Variants in MKLN1 observed in about 807,000 individuals in gnomAD.
MKLN1 encodes muskelin 1.
Under a neutral mutation model 99.0 loss-of-function variants are expected in MKLN1, and 18 were observed. The observed-to-expected ratio is 0.18, with a 90% CI of 0.13 to 0.27. The LOEUF (loss-of-function observed/expected upper bound fraction) is 0.27. Ranked by LOEUF, MKLN1 falls within the 10% of genes least tolerant of loss-of-function variation. The pLI, the probability that MKLN1 is intolerant of heterozygous loss-of-function variation, is 1.00. For synonymous variants in MKLN1, 288 were observed against 293.2 expected (o/e 0.98, Z 0.18); for missense variants, 621 against 875.9 (o/e 0.71, Z 3.67).
intron 12 of MKLN1, among the ~76,000 whole-genome samples, chr7:131,458,637 T>C (rs1796419715): frequency 6.6e-6 from 1 of 152,168 alleles, no homozygotes; most frequent in Non-Finnish European, 1.5e-5. Flanking sequence ...CACCGTCTCT[T>C]ATATCTCATG....
At chr7:131,223,269 G>A (rs1304618723) in intron 3 of MKLN1, among the ~76,000 whole-genome samples, 1 of 152,164 alleles carries the variant, frequency 6.6e-6, no homozygotes, top group Non-Finnish European at 1.5e-5. Context: ...CTGTAGGACA[G>A]GTTTTCTGGT....
chr7:131,253,397 G>A (rs1400624759), intron 3 of MKLN1, among the ~76,000 whole-genome samples: 1 of 152,174 alleles, frequency 6.6e-6, no homozygotes, highest in East Asian at 1.9e-4. Flanking sequence ...TGGAGGCTAA[G>A]TCCTAGGCAA....
At chr7:131,120,908 G>A (rs542610116) in intron 1 of MKLN1, among the ~76,000 whole-genome samples, 2 of 152,154 alleles carry the variant, frequency 1.3e-5, no homozygotes, top group Non-Finnish European at 2.9e-5. Context: ...CCACATTTTT[G>A]TATATCTTTA....
intron 1 of MKLN1, among the ~76,000 whole-genome samples, chr7:131,358,757 T>C: frequency 6.6e-6 from 1 of 152,206 alleles, no homozygotes; most frequent in East Asian, 1.9e-4. Context: ...TTTGGTAGTT[T>C]GTATCTTTTA....
chr7:131,203,404 G>A (rs1351386495), intron 3 of MKLN1, among the ~76,000 whole-genome samples: 3 of 152,040 alleles, frequency 2.0e-5, no homozygotes, highest in Non-Finnish European at 4.4e-5. Context: ...TAAGGGAGGA[G>A]GAAAAAAAGA....
intron 2 of MKLN1, among the ~76,000 whole-genome samples, chr7:131,200,569 A>G (rs967380765): frequency 6.6e-6 from 1 of 152,254 alleles, no homozygotes; most frequent in African/African-American, 2.4e-5. Flanking sequence ...ACCAATTTAC[A>G]TTGAGAAAAT....
At chr7:131,143,660 T>C (rs1795773899) in intron 2 of MKLN1, among the ~76,000 whole-genome samples, 1 of 151,824 alleles carries the variant, frequency 6.6e-6, no homozygotes, top group Non-Finnish European at 1.5e-5. Context: ...ACCCCATCTC[T>C]ACAAAAATTT....
chr7:131,365,159 G>A (rs1244166499), intron 1 of MKLN1, among the ~76,000 whole-genome samples: 1 of 152,180 alleles, frequency 6.6e-6, no homozygotes, highest in Non-Finnish European at 1.5e-5. Flanking sequence ...TCTGACTGGT[G>A]TGAGATGGTA....
chr7:131,192,116 T>G (rs1364093671), intron 2 of MKLN1, among the ~76,000 whole-genome samples: 2 of 87,958 alleles, frequency 2.3e-5, no homozygotes, highest in Non-Finnish European at 4.3e-5. Context: ...ATATTATATA[T>G]ATACGTATAT....
At chr7:131,142,112 A>C (rs1455097706) in intron 1 of MKLN1, among the ~76,000 whole-genome samples, 2 of 151,978 alleles carry the variant, frequency 1.3e-5, no homozygotes, top group African/African-American at 4.8e-5. Context: ...CTCTCTCTAC[A>C]AAAACAAAAA....
At chr7:131,448,261 G>A (rs1211095646) in intron 12 of MKLN1, among the ~76,000 whole-genome samples, 1 of 152,078 alleles carries the variant, frequency 6.6e-6, no homozygotes, top group Non-Finnish European at 1.5e-5. Context: ...GCGTGATAGT[G>A]ACAGAGAACT....
intron 2 of MKLN1, among the ~76,000 whole-genome samples, chr7:131,376,130 A>G (rs1039297214): frequency 2.7e-3 from 1 of 376 alleles, no homozygotes; most frequent in African/African-American, 6.3e-3. Context: ...ATATATATAT[A>G]TATATGTATG....
At chr7:131,345,899 C>G (rs1799545775) in intron 1 of MKLN1, among the ~76,000 whole-genome samples, 2 of 151,794 alleles carry the variant, frequency 1.3e-5, no homozygotes, top group South Asian at 4.2e-4. Flanking sequence ...TTGTTTTGGT[C>G]AATAATATAC....
intron 2 of MKLN1, among the ~76,000 whole-genome samples, chr7:131,381,831 A>G (rs1584676826): frequency 6.6e-6 from 1 of 152,114 alleles, no homozygotes; most frequent in Non-Finnish European, 1.5e-5. Context: ...GTGCCCATTC[A>G]TATCTTTATA....
At chr7:131,268,635 T>C (rs10236300) in intron 3 of MKLN1, among the ~76,000 whole-genome samples, 19,125 of 152,164 alleles carry the variant, frequency 0.13, 1,393 homozygotes, top group South Asian at 0.32. Context: ...GGAGGACTGT[T>C]ATGGGCCAGA....
chr7:131,304,962 G>A (rs969742819), intron 3 of MKLN1, among the ~76,000 whole-genome samples: 47 of 152,108 alleles, frequency 3.1e-4, no homozygotes. Context: ...AGCTAGGCAG[G>A]CCCCCTTTTT....
In MKLN1 at chr7:131,487,780, T is replaced by C; in HGVS notation, c.*52T>C. The C allele has an allele frequency of 6.3e-7, 1 of 1,592,934 alleles. No individual in the cohort carries two copies. Among genetic ancestry groups the C allele is most frequent in the East Asian group, 2.2e-5 (1 of 44,630 alleles). On this transcript the variant is annotated 3_prime_UTR_variant, in exon 18 of 18. Coordinates refer to ENST00000352689, the MANE Select transcript of MKLN1 (RefSeq NM_013255.5). This position sits in a 1 kb window ranked among gnomAD's most constrained non-coding sequence, Gnocchi z 4.7. ...GAAAACAGGAGTCGATTTTCCGTCT[T>C]TTGGATTGCAGCTCCACTGACTGAC...
At chr7:131,390,322 C>T (rs1456976102) in intron 4 of MKLN1, among the ~76,000 whole-genome samples, 3 of 152,012 alleles carry the variant, frequency 2.0e-5, no homozygotes, top group Non-Finnish European at 4.4e-5. Context: ...ATTTAACTTT[C>T]GGTTATTTAC....
In MKLN1 at chr7:131,396,773, A is replaced by G. The variant is rs567145115; in HGVS notation, c.401-494A>G. Among the ~76,000 whole-genome samples the G allele has an allele frequency of 2.5e-3, 382 of 152,326 alleles. 3 individuals carry two copies. Among genetic ancestry groups the G allele is most frequent in the Non-Finnish European group, 5.0e-4 (34 of 68,034 alleles). On this transcript the variant is annotated intron_variant, in intron 4 of 17. Coordinates refer to ENST00000352689, the MANE Select transcript of MKLN1 (RefSeq NM_013255.5). ...CTGGAATGAGATCTGTTTGGTTACA[A>G]TGAAAATCTGATAGAATTTTTTGCA...
Sources: gnomAD v4.1 joint callset for allele counts (sites outside exome capture counted in the v4.1 genomes callset) on GRCh38, gnomAD v4.1.1 for gene constraint, Gnocchi (gnomAD v3.1) non-coding constraint, MANE v1.5 for transcripts, NCBI Gene and HGNC (gene_info 2026-07-23, HGNC 2026-07-21) for gene names.